Variants in CMIP observed in about 807,000 individuals in gnomAD.
CMIP encodes the protein C-Maf-inducing protein.
CMIP carries 13 observed loss-of-function variants against 97.3 expected under a neutral mutation model. The observed-to-expected ratio is 0.13, with a 90% CI of 0.09 to 0.21. CMIP has a LOEUF of 0.21. Among genes scored for constraint, CMIP ranks in the 10% least tolerant of loss-of-function variants. CMIP has a pLI of 1.00. For synonymous variants in CMIP, 538 were observed against 436.3 expected, an observed-to-expected ratio of 1.23 and a Z score of -2.91; for missense variants, 847 against 1,024.9, an observed-to-expected ratio of 0.83 and a Z score of 2.37.
chr16:81,665,011 G>A (rs1298632543), intron 7 of CMIP: 1 of 152,576 alleles, frequency 6.6e-6, no homozygotes, highest in Non-Finnish European at 1.5e-5. Flanking sequence ...GAGATTCTAA[G>A]AAACTGTCAC....
intron 1 of CMIP, among the ~76,000 whole-genome samples, chr16:81,577,247 T>C (rs1281917459): frequency 2.0e-5 from 3 of 149,610 alleles, no homozygotes; most frequent in Non-Finnish European, 4.4e-5. Flanking sequence ...TACCACTACA[T>C]TATTATCACT....
At chr16:81,477,752 C>G (rs1263422068) in intron 1 of CMIP, among the ~76,000 whole-genome samples, 1 of 152,164 alleles carries the variant, frequency 6.6e-6, no homozygotes, top group Non-Finnish European at 1.5e-5. Flanking sequence ...GGCCTAGGGC[C>G]CCTCCATGTG....
intron 1 of CMIP, among the ~76,000 whole-genome samples, chr16:81,573,138 G>GT (rs1386873763): frequency 2.6e-5 from 4 of 152,370 alleles, no homozygotes; most frequent in East Asian, 3.9e-4. Flanking sequence ...GAGATCAGGA[G>GT]TTGGAGACCA....
At chr16:81,690,096 C>G (rs1905882010) in intron 10 of CMIP, among the ~76,000 whole-genome samples, 1 of 152,144 alleles carries the variant, frequency 6.6e-6, no homozygotes, top group South Asian at 2.1e-4. Flanking sequence ...CGTGATGCCT[C>G]TAGCTTTGTT....
Position 81,445,427 on chromosome 16 carries a change from CTG to C in CMIP, c.190_191del (p.Val64HisfsTer51). 1 of 1,596,170 alleles carries C rather than the reference CTG, an allele frequency of 6.3e-7. No homozygotes were observed. Among genetic ancestry groups the C allele is most frequent in the Non-Finnish European group, 8.5e-7 (1 of 1,171,614 alleles). On this transcript the variant is annotated frameshift_variant, in exon 1 of 21. Coordinates refer to ENST00000537098, the MANE Select transcript of CMIP (RefSeq NM_198390.3). LOFTEE classifies it high-confidence loss of function. Reference sequence around the variant, plus strand: ...TGCTGCAGGAGGGCGACATTCAGGTCTGTGTCATCCGGCACCCGCGGACCTTT... The same window carrying C: ...TGCTGCAGGAGGGCGACATTCAGGTCTGTCATCCGGCACCCGCGGACCTTT... ...KLLQEGDIQV[C>X]VIRHPRTFLS...
At chr16:81,604,445 A>G (rs1450885645) in intron 1 of CMIP, among the ~76,000 whole-genome samples, 2 of 150,800 alleles carry the variant, frequency 1.3e-5, no homozygotes, top group African/African-American at 4.9e-5. Context: ...TATGCCTGTA[A>G]TCCCAGCACT....
chr16:81,708,418 A>C (rs1408686078), intron 20 of CMIP, among the ~76,000 whole-genome samples: 1 of 142,302 alleles, frequency 7.0e-6, no homozygotes, highest in Non-Finnish European at 1.5e-5. Flanking sequence ...CTTGAGTTCA[A>C]AGTGCTGAAA....
intron 14 of CMIP, among the ~76,000 whole-genome samples, chr16:81,699,156 A>T (rs978027606): frequency 6.6e-6 from 1 of 152,304 alleles, no homozygotes; most frequent in Admixed American, 6.5e-5. Context: ...AGGGAGGCTG[A>T]GGTGGGAGGA....
At chr16:81,521,590 T>C (rs768378033) in intron 1 of CMIP, among the ~76,000 whole-genome samples, 1 of 152,102 alleles carries the variant, frequency 6.6e-6, no homozygotes, top group Non-Finnish European at 1.5e-5. Context: ...ATATTCACAC[T>C]CTGAACCTAG....
At chr16:81,497,902 T>C (rs936970376) in intron 1 of CMIP, among the ~76,000 whole-genome samples, 6 of 152,260 alleles carry the variant, frequency 3.9e-5, no homozygotes, top group Admixed American at 1.3e-4. Flanking sequence ...TGGCTGCTGC[T>C]CCAGCTGTGG....
intron 1 of CMIP, among the ~76,000 whole-genome samples, chr16:81,571,796 G>A (rs1304610818): frequency 6.6e-6 from 1 of 152,126 alleles, no homozygotes; most frequent in Admixed American, 6.5e-5. Flanking sequence ...ACCGTGCGCG[G>A]GAGCCCTGCT....
Position 81,652,415 on chromosome 16 carries a change from G to A in CMIP, c.639+51G>A, listed in dbSNP as rs943156814. Reference sequence around the variant, plus strand: ...TACATTGTTTGCCTTTCCCTCCACCGATCACCGGCTCCATGCCAAGCAGCA... The same window carrying A: ...TACATTGTTTGCCTTTCCCTCCACCAATCACCGGCTCCATGCCAAGCAGCA... On this transcript the variant is annotated intron_variant, in intron 4 of 20. Transcript: ENST00000537098. This position sits in a 1 kb window ranked among gnomAD's most constrained non-coding sequence, Gnocchi z 5.2. 4.4e-5 allele frequency: 66 copies of A among 1,486,014 alleles called. 1 individual carries two copies. The highest frequency in any genetic ancestry group is 5.5e-5 in the Non-Finnish European group (59 of 1,080,186). The allele number at this position is 1,486,014 out of a possible 1,614,324, so 92.1% of individuals were successfully genotyped here.
At chr16:81,691,601 C>T (rs2151079624) in intron 10 of CMIP, 174 bp from the exon 11 acceptor site, 1 of 640,938 alleles carries the variant, frequency 1.6e-6, no homozygotes, top group East Asian at 2.7e-5. Flanking sequence ...GTCCTTGAGG[C>T]CACGCTGAGA....
At chr16:81,469,962 A>T (rs1355654596) in intron 1 of CMIP, among the ~76,000 whole-genome samples, 1 of 152,186 alleles carries the variant, frequency 6.6e-6, no homozygotes, top group Non-Finnish European at 1.5e-5. Context: ...CAGCAGCAGC[A>T]GGTAAAGAGC....
chr16:81,663,931 G>T (rs1366705162), intron 6 of CMIP, among the ~76,000 whole-genome samples: 1 of 152,152 alleles, frequency 6.6e-6, no homozygotes, highest in African/African-American at 2.4e-5. Context: ...TGCCCCACAT[G>T]CCTGCTGGCC....
At chr16:81,446,744 C>T (rs1905869910) in intron 1 of CMIP, among the ~76,000 whole-genome samples, 1 of 152,182 alleles carries the variant, frequency 6.6e-6, no homozygotes, top group Admixed American at 6.5e-5. Flanking sequence ...ATTTCCCTGG[C>T]ATCCATGTTC....
Position 81,445,560 on chromosome 16 carries a change from C to G in CMIP, c.300+19C>G, listed in dbSNP as rs764850904. ...CGCCACGGTGAGTGGCTCTGCGCGG[C>G]TGCACCCCCGCCTCTCCTCGGGGCC... On this transcript the variant is annotated intron_variant, in intron 1 of 20. Transcript: ENST00000537098. 1 of 1,529,316 alleles carries G rather than the reference C, an allele frequency of 6.5e-7. No homozygotes were observed. Among genetic ancestry groups the G allele is most frequent in the South Asian group, 1.2e-5 (1 of 82,932 alleles). 94.7% of individuals were successfully genotyped at this position (1,529,316 alleles called of 1,614,324 possible). A position where few individuals can be genotyped will look rare whatever the true frequency, so the allele number is the denominator to read the frequency against.
chr16:81,546,397 G>C (rs2090546809), intron 1 of CMIP, among the ~76,000 whole-genome samples: 1 of 152,194 alleles, frequency 6.6e-6, no homozygotes, highest in Non-Finnish European at 1.5e-5. Flanking sequence ...AGGATGAACT[G>C]GGCTGGAGGT....
At chr16:81,671,097 G>A (rs2092679763) in intron 8 of CMIP, among the ~76,000 whole-genome samples, 2 of 152,162 alleles carry the variant, frequency 1.3e-5, no homozygotes, top group Non-Finnish European at 2.9e-5. Context: ...CCAAAGTGCT[G>A]GGATTATAGG....
Sources: allele counts gnomAD v4.1 joint callset (sites outside exome capture counted in the v4.1 genomes callset), GRCh38; gene constraint gnomAD v4.1.1; non-coding constraint Gnocchi (gnomAD v3.1); transcripts MANE v1.5; gene names NCBI Gene and HGNC (gene_info 2026-07-23, HGNC 2026-07-21).